The following SIPA1L3 variants were observed in gnomAD, a reference collection of about 807,000 sequenced individuals.
The protein encoded by SIPA1L3 is signal induced proliferation associated 1 like 3.
Under a neutral mutation model 150.1 loss-of-function variants are expected in SIPA1L3, and 59 were observed. The ratio of observed to expected loss-of-function variants is 0.39; its 90% CI spans 0.32 to 0.49. The LOEUF (loss-of-function observed/expected upper bound fraction) is 0.49, where lower values mean the gene tolerates loss of function less well. Among genes scored for constraint, SIPA1L3 ranks in the 20% least tolerant of loss-of-function variants. The probability of loss-of-function intolerance (pLI) is 0.86; values close to 1 mark genes in which losing one functional copy is unlikely to be tolerated. For missense variants in SIPA1L3, 2,211 were observed against 2,489.5 expected (o/e 0.89, Z 2.38); for synonymous variants, 1,070 against 1,077.6 (o/e 0.99, Z 0.14).
intron 2 of SIPA1L3, among the ~76,000 whole-genome samples, chr19:38,051,876 C>T (rs1012013954): frequency 1.3e-5 from 2 of 152,166 alleles, no homozygotes; most frequent in African/African-American, 2.4e-5. Context: ...GGATCGCAGG[C>T]GTGAGCCACC....
chr19:37,967,526 A>G (rs2046915037), intron 1 of SIPA1L3, among the ~76,000 whole-genome samples: 1 of 152,120 alleles, frequency 6.6e-6, no homozygotes, highest in Non-Finnish European at 1.5e-5. Flanking sequence ...TGCTGGGATT[A>G]CAGGCGTGAG....
chr19:37,941,519 T>A (rs1331087863), intron 1 of SIPA1L3, among the ~76,000 whole-genome samples: 11 of 151,798 alleles, frequency 7.2e-5, no homozygotes, highest in Admixed American at 7.2e-4. Flanking sequence ...TCATTTGACA[T>A]TTGCCGGTCT....
intron 2 of SIPA1L3, among the ~76,000 whole-genome samples, chr19:38,029,432 A>G (rs1968594433): frequency 6.6e-6 from 1 of 152,216 alleles, no homozygotes. Context: ...CAGGCTATGC[A>G]GTGCTTCTTG....
At chr19:37,958,490 T>C (rs2046829936) in intron 1 of SIPA1L3, among the ~76,000 whole-genome samples, 1 of 152,154 alleles carries the variant, frequency 6.6e-6, no homozygotes. Flanking sequence ...GACCCTTACC[T>C]CACACCATAT....
At chr19:37,937,430 A>G (rs1474735241) in intron 1 of SIPA1L3, among the ~76,000 whole-genome samples, 1 of 152,036 alleles carries the variant, frequency 6.6e-6, no homozygotes, top group Non-Finnish European at 1.5e-5. Context: ...GCTTTAAAAG[A>G]ATGATTTTTG....
At chr19:38,060,638 A>G (rs950235819) in intron 2 of SIPA1L3, among the ~76,000 whole-genome samples, 3 of 152,184 alleles carry the variant, frequency 2.0e-5, no homozygotes, top group South Asian at 2.1e-4. Context: ...TTGCTCTGCA[A>G]TGAGCTTGGT....
intron 10 of SIPA1L3, among the ~76,000 whole-genome samples, chr19:38,135,109 G>C (rs1018258915): frequency 6.6e-6 from 1 of 152,116 alleles, no homozygotes; most frequent in Non-Finnish European, 1.5e-5. Context: ...AATCCAGGTC[G>C]GCCTGTCTCC....
intron 1 of SIPA1L3, among the ~76,000 whole-genome samples, chr19:38,027,946 G>A (rs888460127): frequency 4.6e-5 from 7 of 152,170 alleles, no homozygotes; most frequent in African/African-American, 1.7e-4. Context: ...GGGTGATCGG[G>A]AGAGTGAAAT....
At chr19:38,202,086 G>A in intron 20 of SIPA1L3, 89 bp downstream of exon 20, 2 of 1,365,724 alleles carry the variant, frequency 1.5e-6, no homozygotes, top group Non-Finnish European at 9.9e-7. Flanking sequence ...AGCCATGTGG[G>A]TCACCCCCAC....
intron 6 of SIPA1L3, 101 bp downstream of exon 6, chr19:38,101,327 C>A: frequency 2.5e-6 from 2 of 802,814 alleles, no homozygotes; most frequent in Non-Finnish European, 3.7e-6. Context: ...GGACGTGGAG[C>A]AGTGGGAGCT....
intron 1 of SIPA1L3, among the ~76,000 whole-genome samples, chr19:38,014,477 C>G (rs894352668): frequency 3.3e-5 from 5 of 150,700 alleles, no homozygotes; most frequent in Non-Finnish European, 7.4e-5. Flanking sequence ...CAGGCAACAA[C>G]TTAATTCACG....
chr19:38,002,717 C>CAAAAAAAAAAAAAAAAAAAA (rs55737969), intron 1 of SIPA1L3, among the ~76,000 whole-genome samples: 1 of 61,420 alleles, frequency 1.6e-5, no homozygotes, highest in Non-Finnish European at 2.9e-5. Context: ...GACTCCATCT[C>CAAAAAAAAAAAAAAAAAAAA]AAAAAAAAAA....
At chr19:38,179,697 T>C (rs533268917) in intron 15 of SIPA1L3, among the ~76,000 whole-genome samples, 11 of 152,324 alleles carry the variant, frequency 7.2e-5, no homozygotes, top group South Asian at 2.1e-4. Context: ...TACAGTCTTA[T>C]GTCTTTAAGG....
chr19:38,005,423 A>G (rs1967917542), intron 1 of SIPA1L3, among the ~76,000 whole-genome samples: 1 of 150,910 alleles, frequency 6.6e-6, no homozygotes, highest in South Asian at 2.1e-4. Flanking sequence ...TGAATGCACC[A>G]TGTCTTCGCC....
chr19:38,114,409 G>A (rs1202877872), intron 8 of SIPA1L3, among the ~76,000 whole-genome samples: 1 of 142,532 alleles, frequency 7.0e-6, no homozygotes. Context: ...GGCGACAAGA[G>A]CGAAACTCTT....
At chr19:37,983,737 C>T (rs950829811) in intron 1 of SIPA1L3, among the ~76,000 whole-genome samples, 1 of 151,834 alleles carries the variant, frequency 6.6e-6, no homozygotes, top group Non-Finnish European at 1.5e-5. Flanking sequence ...GAAACCCCGT[C>T]TGTACAAAAA....
chr19:37,938,025 C>T (rs375478889), intron 1 of SIPA1L3, among the ~76,000 whole-genome samples: 19 of 151,838 alleles, frequency 1.3e-4, no homozygotes, highest in African/African-American at 2.2e-4. Flanking sequence ...CCAGCCTGGG[C>T]GACAGAGCAA....
intron 1 of SIPA1L3, among the ~76,000 whole-genome samples, chr19:37,953,047 T>G (rs1322719394): frequency 6.6e-6 from 1 of 152,044 alleles, no homozygotes; most frequent in East Asian, 1.9e-4. Context: ...ATGGTGAAAC[T>G]CCGTCTGTAC....
chr19:38,191,970 C>T (rs1202107744), intron 16 of SIPA1L3, among the ~76,000 whole-genome samples, 175 bp from the exon 17 acceptor site: 4 of 152,152 alleles, frequency 2.6e-5, no homozygotes, highest in Non-Finnish European at 5.9e-5. Context: ...TCCCGGAAAA[C>T]GTTTGTGGAA....
Sources: gnomAD v4.1 joint callset for allele counts (sites outside exome capture counted in the v4.1 genomes callset) on GRCh38, gnomAD v4.1.1 for gene constraint, MANE v1.5 for transcripts, NCBI Gene and HGNC (gene_info 2026-07-23, HGNC 2026-07-21) for gene names.